The following ANKRD12 variants were observed in gnomAD, a reference collection of about 807,000 sequenced individuals.
ANKRD12 encodes the protein ankyrin repeat domain-containing protein 12.
ANKRD12 carries 85 observed loss-of-function variants against 183.4 expected under a neutral mutation model. That is an observed-to-expected ratio of 0.46 (90% CI 0.39 to 0.56). The LOEUF is 0.56. Ranked by LOEUF, ANKRD12 falls within the 20% of genes least tolerant of loss-of-function variation. The pLI is 0.00. For synonymous variants in ANKRD12, 914 were observed against 800.2 expected, an observed-to-expected ratio of 1.14 and a Z score of -2.40; for missense variants, 2,405 against 2,357.1, an observed-to-expected ratio of 1.02 and a Z score of -0.42.
intron 8 of ANKRD12, among the ~76,000 whole-genome samples, chr18:9,227,185 T>C (rs1274774881): frequency 2.0e-5 from 3 of 152,070 alleles, no homozygotes; most frequent in African/African-American, 7.2e-5. Context: ...ATATGTAATA[T>C]ATATACATAT....
At chr18:9,175,103 C>T (rs1270013190) in intron 1 of ANKRD12, among the ~76,000 whole-genome samples, 5 of 152,016 alleles carry the variant, frequency 3.3e-5, no homozygotes, top group Non-Finnish European at 5.9e-5. Context: ...TACAGGCGTG[C>T]GTCACCACTC....
intron 8 of ANKRD12, among the ~76,000 whole-genome samples, chr18:9,239,934 G>C (rs1598656451): frequency 6.6e-6 from 1 of 152,310 alleles, no homozygotes; most frequent in South Asian, 2.1e-4. Flanking sequence ...GCTACTCAGA[G>C]TAGCCTTTCC....
Position 9,258,079 on chromosome 18 carries a change from T to C in ANKRD12, c.4812T>C (p.Tyr1604=). 6.2e-7 allele frequency: 1 copy of C among 1,613,330 alleles called. No homozygotes were observed. The highest frequency in any genetic ancestry group is 8.5e-7 in the Non-Finnish European group (1 of 1,179,970). The change falls in exon 9 of 13, where the codon TAT becomes TAC. Residue 1604 remains tyrosine, a synonymous_variant. Transcript: ENST00000262126. ...CCTCTACCCAGCTAAATACACATTA[T>C]GCATTTAGCAAACTAACTTACAAGT... is the stretch of plus-strand genomic sequence containing the variant. ...SDASTQLNTH[Y]AFSKLTYKSS... is the part of the protein sequence containing the mutation.
chr18:9,158,681 A>C (rs1456513828), intron 1 of ANKRD12, among the ~76,000 whole-genome samples: 5 of 152,194 alleles, frequency 3.3e-5, no homozygotes, highest in Non-Finnish European at 7.3e-5. Flanking sequence ...TCTACAGCAC[A>C]GTTACTCTTT....
intron 1 of ANKRD12, among the ~76,000 whole-genome samples, chr18:9,141,936 T>C (rs1445450598): frequency 6.6e-6 from 1 of 152,198 alleles, no homozygotes; most frequent in African/African-American, 2.4e-5. Flanking sequence ...TTTGTTTGTT[T>C]GTTTTTGTTT....
chr18:9,226,065 T>G (rs927545794), intron 8 of ANKRD12, among the ~76,000 whole-genome samples: 11 of 152,244 alleles, frequency 7.2e-5, no homozygotes, highest in African/African-American at 2.7e-4. Context: ...AAATATAATG[T>G]ATATATGAGA....
intron 1 of ANKRD12, among the ~76,000 whole-genome samples, chr18:9,149,103 A>C (rs984875774): frequency 6.6e-6 from 1 of 151,708 alleles, no homozygotes; most frequent in African/African-American, 2.4e-5. Context: ...CCCTACCCCT[A>C]CCTCCGTACG....
rs2035813874 is a variant in ANKRD12, at chr18:9,211,698, T to C, written c.566T>C (p.Leu189Ser). The change falls in exon 6 of 13, where the codon TTA becomes TCA. Residue 189 changes from leucine (L) to serine (S), a missense_variant. Transcript: ENST00000262126. Reference protein sequence around the residue: ...NKRNERGETPLHMAAIRGDVK... With the variant: ...NKRNERGETPSHMAAIRGDVK... ...AGAAATGAACGTGGTGAAACTCCTT[T>C]ACACATGGCTGCTATTCGAGGAGAT... The C allele has an allele frequency of 6.2e-7, 1 of 1,613,734 alleles. No homozygotes were observed. Among genetic ancestry groups the C allele is most frequent in the South Asian group, 1.1e-5 (1 of 91,084 alleles).
chr18:9,178,955 A>G (rs957190459), intron 1 of ANKRD12, among the ~76,000 whole-genome samples: 1 of 152,140 alleles, frequency 6.6e-6, no homozygotes, highest in Non-Finnish European at 1.5e-5. Context: ...GCTTATTGCT[A>G]GTATGTAGAA....
At chr18:9,156,355 T>C (rs560138842) in intron 1 of ANKRD12, among the ~76,000 whole-genome samples, 5 of 151,704 alleles carry the variant, frequency 3.3e-5, no homozygotes, top group South Asian at 2.1e-4. Flanking sequence ...GAGGAGGGAG[T>C]AAAATTAGTA....
intron 1 of ANKRD12, among the ~76,000 whole-genome samples, chr18:9,147,459 T>A (rs1396244388): frequency 1.3e-5 from 2 of 152,098 alleles, no homozygotes; most frequent in African/African-American, 4.8e-5. Context: ...TACAAAAAAA[T>A]TTATTTAGAA....
chr18:9,279,694 A>G (rs1005026033), intron 12 of ANKRD12, 50 bp downstream of exon 12: 1 of 1,109,928 alleles, frequency 9.0e-7, no homozygotes, highest in African/African-American at 1.6e-5. Context: ...CCTTCTTAAA[A>G]AAAAAAAAAA....
At chr18:9,158,254 A>G (rs2030896120) in intron 1 of ANKRD12, among the ~76,000 whole-genome samples, 1 of 152,210 alleles carries the variant, frequency 6.6e-6, no homozygotes, top group African/African-American at 2.4e-5. Context: ...TATGTCCCAA[A>G]TAAAAAACCA....
At chr18:9,267,555 G>T (rs546713601) in intron 10 of ANKRD12, among the ~76,000 whole-genome samples, 1 of 152,024 alleles carries the variant, frequency 6.6e-6, no homozygotes, top group Non-Finnish European at 1.5e-5. Context: ...CAGAAATAAC[G>T]ATGTTCTTTG....
At chr18:9,196,794 T>C (rs1240647831) in intron 3 of ANKRD12, among the ~76,000 whole-genome samples, 2 of 152,196 alleles carry the variant, frequency 1.3e-5, no homozygotes, top group South Asian at 2.1e-4. Flanking sequence ...TACGAAATCA[T>C]GTGCTTTTTC....
chr18:9,142,785 G>T (rs1003437485), intron 1 of ANKRD12, among the ~76,000 whole-genome samples: 4 of 152,120 alleles, frequency 2.6e-5, no homozygotes, highest in South Asian at 2.1e-4. Context: ...TTGGGAGGCT[G>T]AGGCAGGAGA....
At chr18:9,158,299 T>C (rs1485638649) in intron 1 of ANKRD12, among the ~76,000 whole-genome samples, 1 of 152,210 alleles carries the variant, frequency 6.6e-6, no homozygotes, top group Admixed American at 6.5e-5. Context: ...AAGTTCATAC[T>C]TTATTCAGAT....
rs750707861 is a variant in ANKRD12, at chr18:9,211,588, C to T, written c.456C>T (p.Ser152=). The T allele has an allele frequency of 6.2e-7, 1 of 1,613,320 alleles. No individual in the cohort carries two copies. The highest frequency in any genetic ancestry group is 2.2e-5 in the East Asian group (1 of 44,846). ...QMTARDNSPD[S]TPNHPSQTTP... ...TAACTTTCTTCTTTCTTACAGATTC[C>T]ACACCAAATCATCCATCACAAACAA... is the stretch of plus-strand genomic sequence containing the variant. The change falls in exon 6 of 13, where the codon TCC becomes TCT. Residue 152 remains serine, a synonymous_variant. Transcript: ENST00000262126.
chr18:9,284,243 A>G lies in ANKRD12; in HGVS notation c.*3117A>G, dbSNP rs1034978489. The G allele has an allele frequency of 5.9e-5, 9 of 152,354 alleles. No individual in the cohort carries two copies. Among genetic ancestry groups the G allele is most frequent in the African/African-American group, 1.7e-4 (7 of 41,586 alleles). 9.4% of individuals were successfully genotyped at this position (152,354 alleles called of 1,614,324 possible). ...TACAAAGCACAATAAAGCAAAGCAC[A>G]ATAGAACAGGATTGCCTGTATTAGA... On this transcript the variant is annotated 3_prime_UTR_variant, in exon 13 of 13. Transcript: ENST00000262126.
Sources: allele counts gnomAD v4.1 joint callset (sites outside exome capture counted in the v4.1 genomes callset), GRCh38; gene constraint gnomAD v4.1.1; transcripts MANE v1.5; gene names NCBI Gene and HGNC (gene_info 2026-07-23, HGNC 2026-07-21).